Variants in TSPEAR observed in about 807,000 individuals in gnomAD.
The protein encoded by TSPEAR is thrombospondin-type laminin G domain and EAR repeat-containing protein.
In TSPEAR, 69 loss-of-function variants were observed where a neutral mutation model predicts 71.6. That is an observed-to-expected ratio of 0.96 (90% CI 0.79 to 1.18). The LOEUF (loss-of-function observed/expected upper bound fraction) is 1.18. Among genes scored for constraint, TSPEAR ranks in the 50% most tolerant of loss-of-function variants. The pLI is 0.00. For synonymous variants in TSPEAR, 402 were observed against 387.2 expected (o/e 1.04, Z -0.45); for missense variants, 971 against 894.9 (o/e 1.09, Z -1.09).
intron 1 of TSPEAR, among the ~76,000 whole-genome samples, chr21:44,636,589 G>A (rs921999469): frequency 6.6e-6 from 1 of 152,192 alleles, no homozygotes; most frequent in Admixed American, 6.5e-5. Flanking sequence ...TCCGGGCAGT[G>A]GGGCTGACTG....
At chr21:44,701,694 T>C (rs1227728922) in intron 1 of TSPEAR, among the ~76,000 whole-genome samples, 1 of 151,554 alleles carries the variant, frequency 6.6e-6, no homozygotes. Flanking sequence ...CTTCCACTGA[T>C]CTGGCAGGAG....
intron 1 of TSPEAR, among the ~76,000 whole-genome samples, chr21:44,661,235 G>A (rs1396906572): frequency 7.0e-6 from 1 of 143,140 alleles, no homozygotes; most frequent in South Asian, 2.2e-4. Context: ...AGCCGAGATC[G>A]CGCCACTGCA....
intron 1 of TSPEAR, among the ~76,000 whole-genome samples, chr21:44,709,732 C>A (rs782703574): frequency 2.0e-5 from 3 of 152,390 alleles, no homozygotes; most frequent in East Asian, 3.9e-4. Flanking sequence ...GCGGGGCCCA[C>A]GCTAAGGCGG....
Position 44,703,620 on chromosome 21 carries a change from T to C in TSPEAR, c.82+7813A>G, listed in dbSNP as rs553453922. Among the ~76,000 whole-genome samples the C allele has an allele frequency of 7.2e-5, 11 of 152,340 alleles. No individual in the cohort carries two copies. In the South Asian group the frequency reaches 1.2e-3, roughly 17 times the overall value. On this transcript the variant is annotated intron_variant, in intron 1 of 11. Transcript: ENST00000323084. The stretch of plus-strand genomic sequence containing the variant: ...TTTTACTGAAATGGCCAACGCCTTC[T>C]GTTTGTGCTTGTGAAGGCTAATGGC...
At chr21:44,602,011 G>A in intron 1 of TSPEAR, 1 of 569,904 alleles carries the variant, frequency 1.8e-6, no homozygotes, top group Non-Finnish European at 3.2e-6. Context: ...GCCCGGTGTG[G>A]GGAGAAATGA....
intron 1 of TSPEAR, among the ~76,000 whole-genome samples, chr21:44,633,870 T>C (rs756186674): frequency 6.6e-6 from 1 of 152,218 alleles, no homozygotes; most frequent in African/African-American, 2.4e-5. Context: ...CCTATTTCTT[T>C]CTTCTCTTCT....
rs1333389867 is a variant in TSPEAR, at chr21:44,593,717, GC to G, written c.83-25713del. On this transcript the variant is annotated intron_variant, in intron 1 of 11. Transcript: ENST00000323084. The surrounding 1 kb of genome is among the most constrained non-coding windows in gnomAD (Gnocchi z 5.9). ...TATCAAATTACAAACAGGACCTCAG[GC>G]CGCGCCAGGCAAGGGACAAGCCGCG... Among the ~76,000 whole-genome samples, 2 of 152,200 alleles carry G rather than the reference GC, an allele frequency of 1.3e-5. No homozygotes were observed. The highest frequency in any genetic ancestry group is 2.9e-5 in the Non-Finnish European group (2 of 68,030).
intron 1 of TSPEAR, among the ~76,000 whole-genome samples, chr21:44,583,497 G>T (rs587732580): frequency 6.6e-6 from 1 of 152,170 alleles, no homozygotes; most frequent in African/African-American, 2.4e-5. Flanking sequence ...TTGGTCTCGT[G>T]CATGCAGTGT....
At chr21:44,558,080 G>A (rs1555920134) in intron 2 of TSPEAR, 2 of 1,611,340 alleles carry the variant, frequency 1.2e-6, no homozygotes, top group Non-Finnish European at 1.7e-6. Context: ...CTGAGGAGAG[G>A]CCGCAGCACG....
chr21:44,579,126 C>T (rs1370150946), intron 1 of TSPEAR, among the ~76,000 whole-genome samples: 1 of 152,184 alleles, frequency 6.6e-6, no homozygotes, highest in Non-Finnish European at 1.5e-5. Context: ...GGTGCCCGGA[C>T]CCCAGGCCAG....
rs1490434722 is a variant in TSPEAR at position 44,681,584 on chromosome 21, G to A, written c.82+29849C>T. The A allele has an allele frequency of 1.0e-5, 5 of 487,522 alleles. No homozygotes were observed. The South Asian group carries it at 2.5e-4, about 24-fold the overall frequency. The allele number at this position is 487,522 out of a possible 1,614,324, so 30.2% of individuals were successfully genotyped here. On this transcript the variant is annotated intron_variant, in intron 1 of 11. Transcript: ENST00000323084. ...AGACAAGAAACGCAGAGTTGCATGG[G>A]GAAAGCTGGTTTATTTGACTCTCAT...
intron 9 of TSPEAR, among the ~76,000 whole-genome samples, chr21:44,514,125 C>A (rs587657908): frequency 6.6e-6 from 1 of 152,204 alleles, no homozygotes; most frequent in Admixed American, 6.5e-5. Flanking sequence ...GGAGCCCTCC[C>A]GCCCAGGCTC....
At chr21:44,575,134 G>T in intron 1 of TSPEAR, 1 of 995,818 alleles carries the variant, frequency 1.0e-6, no homozygotes, top group Non-Finnish European at 1.5e-6. Context: ...CTGCTGTTGA[G>T]CTGGACAATG....
rs782232108 is a variant in TSPEAR at position 44,508,944 on chromosome 21, G to A, written c.1754+255C>T. 3.3e-5 allele frequency: 51 copies of A among 1,536,080 alleles called. 1 individual carries two copies. Among genetic ancestry groups the A allele is most frequent in the Non-Finnish European group, 4.2e-5 (48 of 1,133,928 alleles). ...GATGAAAGGAGGTAATGGGTGTGAA[G>A]GGGCAGAACTCCGCACACAGCACCC... On this transcript the variant is annotated intron_variant, in intron 10 of 11. Coordinates refer to ENST00000323084, the MANE Select transcript of TSPEAR (RefSeq NM_144991.3).
At chr21:44,603,371 C>T (rs408958) in intron 1 of TSPEAR, among the ~76,000 whole-genome samples, 126,208 of 152,128 alleles carry the variant, frequency 0.83, 54,136 homozygotes, top group Non-Finnish European at 0.94. Flanking sequence ...CTCCAGGAGG[C>T]ACCAAGGGGA....
intron 8 of TSPEAR, among the ~76,000 whole-genome samples, chr21:44,524,831 A>G (rs587658615): frequency 2.0e-5 from 3 of 149,064 alleles, no homozygotes; most frequent in South Asian, 2.1e-4. Flanking sequence ...TAGTTAGTCA[A>G]TCAGTCAGTG....
rs2052844581 is a variant in TSPEAR, at chr21:44,525,850, G to A, written c.1150-11C>T. 2.5e-6 allele frequency: 4 copies of A among 1,613,704 alleles called. No homozygotes were observed. Among genetic ancestry groups the A allele is most frequent in the South Asian group, 1.1e-5 (1 of 91,068 alleles). On this transcript the variant is annotated splice_polypyrimidine_tract_variant and intron_variant, in intron 7 of 11. Transcript: ENST00000323084. Reference sequence around the variant, plus strand: ...CACTGCCAGGAAGATCTGAAAGAGAGTAAACCGGGACCACGTGGTTCTGCT... The same window carrying A: ...CACTGCCAGGAAGATCTGAAAGAGAATAAACCGGGACCACGTGGTTCTGCT...
At chr21:44,587,574 C>T (rs1191110761) in intron 1 of TSPEAR, among the ~76,000 whole-genome samples, 1 of 152,136 alleles carries the variant, frequency 6.6e-6, no homozygotes, top group Non-Finnish European at 1.5e-5. Flanking sequence ...ATAGCCAAAG[C>T]AAGACTAAGC....
Position 44,600,639 on chromosome 21 carries a change from G to A in TSPEAR, c.83-32634C>T, listed in dbSNP as rs782177194. On this transcript the variant is annotated intron_variant, in intron 1 of 11. Transcript: ENST00000323084. ...TCCCCAGCATGGCTGCGTCCACTAT[G>A]TCTGTCTGCTCCAGCGACCTGAGCT... is the stretch of plus-strand genomic sequence containing the variant. 60 of 1,613,594 alleles carry A rather than the reference G, an allele frequency of 3.7e-5. 2 individuals are homozygous for A. The highest frequency in any genetic ancestry group is 4.4e-5 in the Non-Finnish European group (52 of 1,179,776).
Sources: gnomAD v4.1 joint callset for allele counts (sites outside exome capture counted in the v4.1 genomes callset) on GRCh38, gnomAD v4.1.1 for gene constraint, Gnocchi (gnomAD v3.1) non-coding constraint, MANE v1.5 for transcripts, NCBI Gene and HGNC (gene_info 2026-07-23, HGNC 2026-07-21) for gene names.